The following FLRT1 variants were observed in gnomAD, a reference collection of about 807,000 sequenced individuals.
The protein encoded by FLRT1 is leucine-rich repeat transmembrane protein FLRT1.
FLRT1 carries 14 observed loss-of-function variants against 30.9 expected under a neutral mutation model. That is an observed-to-expected ratio of 0.45 (90% CI 0.30 to 0.71). FLRT1 has a LOEUF of 0.71. FLRT1 is among the 30% of genes least tolerant of loss of function. FLRT1 has a pLI of 0.08. For missense variants in FLRT1, 737 were observed against 949.2 expected, an observed-to-expected ratio of 0.78 and a Z score of 2.94; for synonymous variants, 368 against 430.4, an observed-to-expected ratio of 0.85 and a Z score of 1.80.
chr11:64,097,950 C>CA (rs1425591198), intron 1 of FLRT1, among the ~76,000 whole-genome samples: 2 of 152,060 alleles, frequency 1.3e-5, no homozygotes, highest in Non-Finnish European at 2.9e-5. Flanking sequence ...GGCGGGAACC[C>CA]ACTCAGCACC....
chr11:64,111,798 G>C (rs938973113), intron 2 of FLRT1, among the ~76,000 whole-genome samples: 1 of 152,216 alleles, frequency 6.6e-6, no homozygotes, highest in Admixed American at 6.5e-5. Context: ...GTCCTTCCCA[G>C]TCCCCAATGT....
intron 1 of FLRT1, among the ~76,000 whole-genome samples, chr11:64,055,927 T>C (rs1222070746): frequency 6.6e-6 from 1 of 152,216 alleles, no homozygotes; most frequent in Non-Finnish European, 1.5e-5. Context: ...ACAGATGCCA[T>C]GCTGCCTGCA....
chr11:64,112,723 C>A (rs1217373548), intron 2 of FLRT1, among the ~76,000 whole-genome samples: 2 of 152,064 alleles, frequency 1.3e-5, no homozygotes, highest in Admixed American at 6.5e-5. Flanking sequence ...CTTGCAAGGG[C>A]CCTGGGGATA....
intron 1 of FLRT1, among the ~76,000 whole-genome samples, chr11:64,093,268 T>C (rs1944521824): frequency 1.3e-5 from 2 of 152,362 alleles, no homozygotes; most frequent in South Asian, 4.1e-4. Context: ...ATCTCAGCTC[T>C]GTGTGCCTGG....
intron 1 of FLRT1, among the ~76,000 whole-genome samples, chr11:64,079,725 G>C (rs1944271435): frequency 6.6e-6 from 1 of 152,116 alleles, no homozygotes; most frequent in Non-Finnish European, 1.5e-5. Flanking sequence ...TTCAGGGAGA[G>C]AGTGGGGCGC....
At position 64,041,576 on chromosome 11, in the gene FLRT1, C is replaced by T. The variant is rs150631038; in HGVS notation, c.-1038+5417C>T. Reference sequence around the variant, plus strand: ...AGGTGGGGCTTCGTGTAGGGCAGAGCGAGTGAACAGATGAATGAATGGAAA... The same window carrying T: ...AGGTGGGGCTTCGTGTAGGGCAGAGTGAGTGAACAGATGAATGAATGGAAA... On this transcript the variant is annotated intron_variant, in intron 1 of 2. Coordinates refer to ENST00000682287, the MANE Select transcript of FLRT1 (RefSeq NM_013280.5). 8.6e-5 allele frequency among the ~76,000 whole-genome samples: 13 copies of T among 151,366 alleles called. No individual in the cohort carries two copies. The East Asian group carries it at 2.1e-3, about 25-fold the overall frequency.
At position 64,118,240 on chromosome 11, in the gene FLRT1, C is replaced by G. The variant is rs537238642; in HGVS notation, c.1973C>G (p.Thr658Arg). The G allele has an allele frequency of 6.2e-7, 1 of 1,608,024 alleles. No individual in the cohort carries two copies. Among genetic ancestry groups the G allele is most frequent in the South Asian group, 1.1e-5 (1 of 90,688 alleles). The change falls in exon 3 of 3, where the codon ACG (threonine) becomes AGG (arginine). Residue 658 changes from threonine to arginine, a missense_variant. Physicochemically the swap from Thr to Arg is moderately conservative, Grantham distance 71. Transcript: ENST00000682287. The stretch of plus-strand genomic sequence containing the variant: ...ACACACACCATTGGCTACGGCACCA[C>G]GCGGGGCTACCGGGACGGCGGCATC... ...KATHTIGYGT[T>R]RGYRDGGIPD...
At position 64,116,321 on chromosome 11, in the gene FLRT1, CACGG is replaced by C; in HGVS notation, c.55_58del (p.Thr19ProfsTer4). The C allele has an allele frequency of 6.2e-7, 1 of 1,609,642 alleles. No homozygotes were observed. Reference sequence around the variant, plus strand: ...CCACCACCACGCCCACTGCCACTGTCACGGCCACCGTTGTGATGACCACGGCCAC... The same window carrying C: ...CCACCACCACGCCCACTGCCACTGTCCCACCGTTGTGATGACCACGGCCAC... On this transcript the variant is annotated frameshift_variant, in exon 3 of 3. Coordinates refer to ENST00000682287, the MANE Select transcript of FLRT1 (RefSeq NM_013280.5). LOFTEE classifies it high-confidence loss of function.
At chr11:64,114,221 T>C (rs1944924425) in intron 2 of FLRT1, among the ~76,000 whole-genome samples, 5 of 150,020 alleles carry the variant, frequency 3.3e-5, no homozygotes, top group East Asian at 2.0e-4. Flanking sequence ...GATGGATGAA[T>C]GGACAGATGG....
chr11:64,098,353 C>T (rs1269513939), intron 1 of FLRT1, among the ~76,000 whole-genome samples: 2 of 152,318 alleles, frequency 1.3e-5, no homozygotes, highest in South Asian at 2.1e-4. Context: ...ACCAAGCCCT[C>T]CCACCTCCAG....
rs761911540 is a variant in FLRT1, at chr11:64,117,642, C to A, written c.1375C>A (p.Leu459Ile). ...CATCCGCATCACGTGGAAGGCCACG[C>A]TCCCCGCCTCCTCTTTCCGGCTCAG... ...DSIRITWKAT[L>I]PASSFRLSWL... Residue 459 changes from leucine to isoleucine, a missense_variant, in exon 3 of 3, where the codon CTC becomes ATC. Physicochemically the swap from Leu to Ile is conservative, Grantham distance 5. Coordinates refer to ENST00000682287, the MANE Select transcript of FLRT1 (RefSeq NM_013280.5). 1.2e-6 allele frequency: 2 copies of A among 1,613,640 alleles called. No individual in the cohort carries two copies. The highest frequency in any genetic ancestry group is 1.7e-6 in the Non-Finnish European group (2 of 1,180,054).
chr11:64,118,044 G>A lies in FLRT1; in HGVS notation c.1777G>A (p.Gly593Ser). The A allele has an allele frequency of 6.2e-7, 1 of 1,613,516 alleles. No individual in the cohort carries two copies. Among genetic ancestry groups the A allele is most frequent in the Non-Finnish European group, 8.5e-7 (1 of 1,179,890 alleles). The change falls in exon 3 of 3, where the codon GGC (glycine) becomes AGC (serine). Residue 593 changes from glycine (G) to serine (S), a missense_variant. Gly to Ser is a moderately conservative substitution (Grantham distance 56). Coordinates refer to ENST00000682287, the MANE Select transcript of FLRT1 (RefSeq NM_013280.5). The stretch of plus-strand genomic sequence containing the variant: ...GACCCGGGAGAGGGCCTACAACCGG[G>A]GCAGCAGGAAAAAGGATGACTATAT... ...LLTRERAYNR[G>S]SRKKDDYMES...
At chr11:64,087,508 C>G (rs1944415717) in intron 1 of FLRT1, among the ~76,000 whole-genome samples, 1 of 152,216 alleles carries the variant, frequency 6.6e-6, no homozygotes, top group Admixed American at 6.5e-5. Context: ...AGTTGCCACC[C>G]CTTGCTGGAG....
intron 1 of FLRT1, among the ~76,000 whole-genome samples, chr11:64,097,028 A>G (rs1211876810): frequency 6.6e-6 from 1 of 152,106 alleles, no homozygotes; most frequent in African/African-American, 2.4e-5. Context: ...CTCCAGGCGG[A>G]TGAGAACTCT....
At chr11:64,072,623 G>A (rs1944131087) in intron 1 of FLRT1, among the ~76,000 whole-genome samples, 1 of 152,192 alleles carries the variant, frequency 6.6e-6, no homozygotes, top group African/African-American at 2.4e-5. Flanking sequence ...CATCAGATGG[G>A]GATAACAAAG....
chr11:64,036,741 C>T lies in FLRT1; in HGVS notation c.-1038+582C>T, dbSNP rs1028649105. 6.6e-6 allele frequency among the ~76,000 whole-genome samples: 1 copy of T among 152,170 alleles called. No individual in the cohort carries two copies. Among genetic ancestry groups the T allele is most frequent in the African/African-American group, 2.4e-5 (1 of 41,440 alleles). On this transcript the variant is annotated intron_variant, in intron 1 of 2. Transcript: ENST00000682287. This position sits in a 1 kb window ranked among gnomAD's most constrained non-coding sequence, Gnocchi z 5.6. ...TGTGGACCGTCAGCCCTGAGCCGGG[C>T]GGGGGCTGGGGCCGTACACCTGGCG...
chr11:64,112,409 G>C (rs923759317), intron 2 of FLRT1, among the ~76,000 whole-genome samples: 1 of 152,144 alleles, frequency 6.6e-6, no homozygotes, highest in African/African-American at 2.4e-5. Flanking sequence ...AGCTACTCAG[G>C]AGGCTGAAGC....
intron 1 of FLRT1, among the ~76,000 whole-genome samples, chr11:64,052,046 G>T (rs902637396): frequency 2.0e-5 from 3 of 151,542 alleles, no homozygotes; most frequent in Non-Finnish European, 4.4e-5. Context: ...ATCTAGGGGG[G>T]CATTTTGGGA....
In FLRT1 at chr11:64,064,377, T is replaced by C. The variant is rs1275116120; in HGVS notation, c.-1038+28218T>C. Reference sequence around the variant, plus strand: ...GTAGATCCTATGGGGCCACAGGCATTGGATGGAGGATGGAGGAGGCTCAGG... The same window carrying C: ...GTAGATCCTATGGGGCCACAGGCATCGGATGGAGGATGGAGGAGGCTCAGG... On this transcript the variant is annotated intron_variant, in intron 1 of 2. Coordinates refer to ENST00000682287, the MANE Select transcript of FLRT1 (RefSeq NM_013280.5). The surrounding 1 kb of genome is among the most constrained non-coding windows in gnomAD (Gnocchi z 4.5). Among the ~76,000 whole-genome samples the C allele has an allele frequency of 6.6e-6, 1 of 151,824 alleles. No homozygotes were observed. Among genetic ancestry groups the C allele is most frequent in the Non-Finnish European group, 1.5e-5 (1 of 67,928 alleles).
Sources: allele counts gnomAD v4.1 joint callset (sites outside exome capture counted in the v4.1 genomes callset), GRCh38; gene constraint gnomAD v4.1.1; non-coding constraint Gnocchi (gnomAD v3.1); transcripts MANE v1.5; gene names NCBI Gene and HGNC (gene_info 2026-07-23, HGNC 2026-07-21).